Variants in MUC22 observed in about 807,000 individuals in gnomAD.
MUC22 encodes the protein mucin 22.
A neutral mutation model predicts 40.3 loss-of-function variants in MUC22; 24 were observed. The ratio of observed to expected loss-of-function variants is 0.60; its 90% CI spans 0.43 to 0.84. The LOEUF (loss-of-function observed/expected upper bound fraction) is 0.84, where lower values mean the gene tolerates loss of function less well. MUC22 is among the 40% of genes least tolerant of loss of function. The pLI is 0.00. For missense variants in MUC22, 1,926 were observed against 2,130.7 expected (o/e 0.90, Z 1.89); for synonymous variants, 765 against 844.5 (o/e 0.91, Z 1.63).
chr6:31,015,089 AT>A (rs1319003104), intron 1 of MUC22, among the ~76,000 whole-genome samples: 2 of 152,332 alleles, frequency 1.3e-5, no homozygotes, highest in East Asian at 3.9e-4. Flanking sequence ...TCTTTGAGCT[AT>A]ATGGCTGATT....
chr6:31,015,607 T>C (rs999664290), intron 1 of MUC22, among the ~76,000 whole-genome samples: 3 of 152,218 alleles, frequency 2.0e-5, no homozygotes, highest in Non-Finnish European at 4.4e-5. Context: ...GGTTATAGAA[T>C]TCTAGGATGG....
intron 1 of MUC22, among the ~76,000 whole-genome samples, chr6:31,016,958 G>T (rs564142171): frequency 6.6e-6 from 1 of 152,226 alleles, no homozygotes. Flanking sequence ...CAGCAGCTGC[G>T]GAGGGTGCGC....
intron 2 of MUC22, 74 bp downstream of exon 2, chr6:31,030,174 C>G: frequency 7.1e-7 from 1 of 1,409,370 alleles, no homozygotes; most frequent in Non-Finnish European, 9.4e-7. Flanking sequence ...TCACCTGTTT[C>G]TATCATCTCT....
At chr6:31,019,971 C>T (rs546860541) in intron 1 of MUC22, among the ~76,000 whole-genome samples, 14 of 152,132 alleles carry the variant, frequency 9.2e-5, no homozygotes, top group African/African-American at 3.4e-4. Flanking sequence ...AATAGAATAC[C>T]AGTGATTTTG....
At chr6:31,026,034 A>G (rs892872620) in exon 2 of MUC22, 3 of 1,529,758 alleles carry the variant, frequency 2.0e-6, no homozygotes, top group Non-Finnish European at 2.6e-6. Flanking sequence ...CCTCCACTGC[A>G]AGCTCTGAGG....
At chr6:31,018,274 G>A (rs9461643) in intron 1 of MUC22, among the ~76,000 whole-genome samples, 2,626 of 152,316 alleles carry the variant, frequency 0.017, 38 homozygotes, top group African/African-American at 0.028. Flanking sequence ...TGAGTGGAAG[G>A]AGTGATCTGG....
At chr6:31,035,037 G>C in exon 4 of MUC22, 1 of 1,257,670 alleles carries the variant, frequency 8.0e-7, no homozygotes, top group Non-Finnish European at 1.1e-6. Context: ...TATTATGGGT[G>C]GGAGGGGGTC....
Position 31,032,528 on chromosome 6 carries a change from C to T in MUC22, c.5002C>T (p.Leu1668=). Residue 1668 remains leucine, a synonymous_variant, in exon 3 of 4, where the codon CTG becomes TTG. Coordinates refer to ENST00000561890, the Ensembl canonical transcript of MUC22. The surrounding 1 kb of genome is among the most constrained non-coding windows in gnomAD (Gnocchi z 4.1). ...GCCCTGGGCTATCATCCTCATTTCC[C>T]TGGCTGCAGTTGTGGCTGCTGTTGG... is the stretch of plus-strand genomic sequence containing the variant. The T allele has an allele frequency of 6.5e-7, 1 of 1,535,668 alleles. No homozygotes were observed. The highest frequency in any genetic ancestry group is 8.7e-7 in the Non-Finnish European group (1 of 1,146,886).
At chr6:31,016,323 T>C (rs1764197456) in intron 1 of MUC22, among the ~76,000 whole-genome samples, 1 of 152,198 alleles carries the variant, frequency 6.6e-6, no homozygotes, top group South Asian at 2.1e-4. Flanking sequence ...TGCATTTGAG[T>C]GAGGCACTAA....
intron 1 of MUC22, among the ~76,000 whole-genome samples, chr6:31,020,438 T>G (rs1764588155): frequency 8.0e-6 from 1 of 125,470 alleles, no homozygotes; most frequent in East Asian, 2.3e-4. Flanking sequence ...TCCTGGAAAT[T>G]GACTTTTTTT....
At chr6:31,024,529 A>G (rs1467655458) in intron 1 of MUC22, among the ~76,000 whole-genome samples, 1 of 152,186 alleles carries the variant, frequency 6.6e-6, no homozygotes, top group Non-Finnish European at 1.5e-5. Flanking sequence ...TTTGAGATGA[A>G]ATTTAACCTT....
Position 31,026,803 on chromosome 6 carries a change from A to G in MUC22, c.1372A>G (p.Thr458Ala), listed in dbSNP as rs1765412924. ...CTCTACTGCAGGCTCTGAGACCACTACAGTCTCCACCACAGGCTCTGAGAC... is the reference window on the plus strand; with the variant it reads ...CTCTACTGCAGGCTCTGAGACCACTGCAGTCTCCACCACAGGCTCTGAGAC... The change falls in exon 2 of 4, where the codon ACA becomes GCA. Residue 458 changes from threonine (T) to alanine (A), a missense_variant. Around this residue, in one of 3 missense-constraint regions of MUC22, gnomAD observed 1,281 missense variants for 1,337.8 expected, o/e 0.96. Transcript: ENST00000561890. 3.3e-6 allele frequency: 5 copies of G among 1,499,944 alleles called. No individual in the cohort carries two copies. The African/African-American group carries it at 4.2e-5, about 13-fold the overall frequency. The allele number at this position is 1,499,944 out of a possible 1,614,324, so 92.9% of individuals were successfully genotyped here.
intron 1 of MUC22, among the ~76,000 whole-genome samples, chr6:31,020,838 C>T (rs1376960946): frequency 6.6e-6 from 1 of 152,222 alleles, no homozygotes; most frequent in East Asian, 1.9e-4. Flanking sequence ...CCTGCAGGCC[C>T]CGGGCAGTGA....
At chr6:31,020,441 C>CTTTTTTTTTTTTTTTTT (rs3084519) in intron 1 of MUC22, among the ~76,000 whole-genome samples, 1 of 126,702 alleles carries the variant, frequency 7.9e-6, no homozygotes. Flanking sequence ...TGGAAATTGA[C>CTTTTTTTTTTTTTTTTT]TTTTTTTTTT....
intron 1 of MUC22, among the ~76,000 whole-genome samples, chr6:31,016,384 A>T (rs534511424): frequency 1.3e-5 from 2 of 152,202 alleles, no homozygotes; most frequent in Non-Finnish European, 2.9e-5. Flanking sequence ...CAACTGGTGG[A>T]CTTAGCTTTA....
chr6:31,022,383 C>T (rs375605002), intron 1 of MUC22, among the ~76,000 whole-genome samples: 14 of 152,022 alleles, frequency 9.2e-5, no homozygotes, highest in East Asian at 1.9e-4. Flanking sequence ...AGGCTGGTAT[C>T]GAACTCCTGG....
At chr6:31,006,515 T>C (rs998054343), upstream of MUC22, among the ~76,000 whole-genome samples, 1 of 152,110 alleles carries the variant, frequency 6.6e-6, no homozygotes, top group African/African-American at 2.4e-5. Context: ...TCATTGTACA[T>C]TTGTCAAAAC....
At chr6:31,035,007 A>G in exon 4 of MUC22, 1 of 1,457,666 alleles carries the variant, frequency 6.9e-7, no homozygotes, top group Non-Finnish European at 9.1e-7. Context: ...GGCTGTGGCC[A>G]TAGATTGGGT....
chr6:31,026,696 CA>C lies in MUC22; in HGVS notation c.1266del (p.Gly423AlafsTer4). 6.6e-7 allele frequency: 1 copy of C among 1,504,794 alleles called. No homozygotes were observed. Among genetic ancestry groups the C allele is most frequent in the Non-Finnish European group, 8.9e-7 (1 of 1,127,238 alleles). 93.2% of individuals were successfully genotyped at this position (1,504,794 alleles called of 1,614,324 possible). Reference sequence around the variant, plus strand: ...TCTGAGACCACTGCAGCCTCTACCACAGGCTCTGAGATGACCACAGTCTTCA... The same window carrying C: ...TCTGAGACCACTGCAGCCTCTACCACGGCTCTGAGATGACCACAGTCTTCA... On this transcript the variant is annotated frameshift_variant, in exon 2 of 4. Transcript: ENST00000561890. LOFTEE classifies it high-confidence loss of function.
Sources: allele counts gnomAD v4.1 joint callset (sites outside exome capture counted in the v4.1 genomes callset), GRCh38; gene constraint gnomAD v4.1.1; regional missense constraint gnomAD v4.1.1; non-coding constraint Gnocchi (gnomAD v3.1); transcripts MANE v1.5; gene names NCBI Gene and HGNC (gene_info 2026-07-23, HGNC 2026-07-21).